Variants in NMNAT3 observed in about 807,000 individuals in gnomAD.
NMNAT3 encodes the protein nicotinamide nucleotide adenylyltransferase 3.
Under a neutral mutation model 24.8 loss-of-function variants are expected in NMNAT3, and 21 were observed. The ratio of observed to expected loss-of-function variants is 0.85; its 90% CI spans 0.60 to 1.22. The LOEUF is 1.22. Ranked by LOEUF, NMNAT3 falls within the 50% of genes most tolerant of loss-of-function variation. The probability of loss-of-function intolerance (pLI) is 0.00; values close to 1 mark genes in which losing one functional copy is unlikely to be tolerated. For missense variants in NMNAT3, 387 were observed against 436.6 expected (o/e 0.89, Z 1.01); for synonymous variants, 136 against 155.2 (o/e 0.88, Z 0.92).
intron 5 of NMNAT3, chr3:139,576,082 G>A: frequency 1.6e-6 from 2 of 1,280,986 alleles, no homozygotes; most frequent in Admixed American, 4.7e-5. Context: ...GCTCTACAGT[G>A]AATTTACATC....
At chr3:139,572,207 G>C (rs1013048729) in intron 6 of NMNAT3, 1 of 398,562 alleles carries the variant, frequency 2.5e-6, no homozygotes, top group Non-Finnish European at 4.4e-6. Flanking sequence ...TGCTCAAAAA[G>C]TGTCTGTAGA....
In NMNAT3 at chr3:139,582,216, A is replaced by G. The variant is rs13097825; in HGVS notation, c.391+711T>C. On this transcript the variant is annotated intron_variant, in intron 4 of 6. Coordinates refer to ENST00000643695, the MANE Select transcript of NMNAT3 (RefSeq NM_001320510.2). ...AAAAAAAAAAAAAAAAAAAAAAAAG[A>G]AAAAAAAACCACATGTAAGGCAAAA... is the stretch of plus-strand genomic sequence containing the variant. 2.9e-3 allele frequency among the ~76,000 whole-genome samples: 431 copies of G among 148,578 alleles called. 1 individual carries two copies. The highest frequency in any genetic ancestry group is 9.7e-3 in the African/African-American group (390 of 40,390).
intron 3 of NMNAT3, among the ~76,000 whole-genome samples, chr3:139,606,740 A>T (rs1021638804): frequency 3.9e-5 from 6 of 152,170 alleles, no homozygotes; most frequent in Non-Finnish European, 7.4e-5. Flanking sequence ...GGAAGGATTG[A>T]CCTTTCTCCT....
chr3:139,583,367 A>T, intron 3 of NMNAT3: 1 of 1,535,452 alleles, frequency 6.5e-7, no homozygotes, highest in African/African-American at 1.4e-5. Flanking sequence ...TACATTTTCA[A>T]CTGGAATGTA....
At chr3:139,612,287 A>C (rs1355288888) in intron 3 of NMNAT3, among the ~76,000 whole-genome samples, 1 of 152,194 alleles carries the variant, frequency 6.6e-6, no homozygotes, top group African/African-American at 2.4e-5. Flanking sequence ...GATTGCTTCG[A>C]AAAAGAGAGG....
intron 3 of NMNAT3, among the ~76,000 whole-genome samples, chr3:139,612,135 C>T (rs183790594): frequency 2.8e-4 from 42 of 149,324 alleles, no homozygotes; most frequent in African/African-American, 9.6e-4. Context: ...CCATTGCACT[C>T]CAGCTTGGGC....
Position 139,561,318 on chromosome 3 carries a change from C to T in NMNAT3, c.733G>A (p.Ala245Thr). The T allele has an allele frequency of 6.2e-7, 1 of 1,614,088 alleles. No homozygotes were observed. The highest frequency in any genetic ancestry group is 8.5e-7 in the Non-Finnish European group (1 of 1,180,000). The change falls in exon 7 of 7, where the codon GCG becomes ACG. Residue 245 changes from alanine to threonine, a missense_variant. By Grantham distance (58) the Ala-to-Thr change is moderately conservative (BLOSUM62 0). This residue lies in a region of NMNAT3 where 323 missense variants were observed against 345.2 expected (regional missense o/e 0.94). Coordinates refer to ENST00000643695, the MANE Select transcript of NMNAT3 (RefSeq NM_001320510.2). Reference sequence around the variant, plus strand: ...TTCTCCACTATTTCCTGGATGTGCGCATCCTTCCAGAGGTTGGGGGTCTGG... The same window carrying T: ...TTCTCCACTATTTCCTGGATGTGCGTATCCTTCCAGAGGTTGGGGGTCTGG...
intron 1 of NMNAT3, among the ~76,000 whole-genome samples, chr3:139,658,170 C>T (rs548745501): frequency 6.6e-6 from 1 of 152,134 alleles, no homozygotes; most frequent in African/African-American, 2.4e-5. Context: ...CACATCTAAC[C>T]TAGCTTCTAC....
intron 5 of NMNAT3, among the ~76,000 whole-genome samples, chr3:139,577,568 G>A (rs1024861580): frequency 5.3e-5 from 8 of 152,190 alleles, no homozygotes; most frequent in Non-Finnish European, 8.8e-5. Flanking sequence ...TAAATTACTT[G>A]TTGGATGATC....
At chr3:139,598,560 T>G (rs1293351386) in intron 3 of NMNAT3, among the ~76,000 whole-genome samples, 3 of 152,122 alleles carry the variant, frequency 2.0e-5, no homozygotes, top group Non-Finnish European at 4.4e-5. Flanking sequence ...AGTCCCTGGA[T>G]GACTGCAGGG....
intron 6 of NMNAT3, 129 bp from the exon 7 acceptor site, chr3:139,561,521 C>A: frequency 2.4e-6 from 2 of 846,372 alleles, no homozygotes; most frequent in East Asian, 5.0e-5. Flanking sequence ...ATGTTCATGA[C>A]TTGAAAAGAA....
intron 3 of NMNAT3, among the ~76,000 whole-genome samples, chr3:139,622,741 A>T (rs2055839550): frequency 1.4e-5 from 2 of 144,364 alleles, no homozygotes; most frequent in Non-Finnish European, 3.0e-5. Flanking sequence ...TCTCAAAAAA[A>T]AAGTGTGTGT....
Position 139,562,090 on chromosome 3 carries a change from C to G in NMNAT3, c.659-698G>C, listed in dbSNP as rs149873149. ...GATTACTGTGGGCACTACTACTAAG[C>G]TCTTTATGTGTATAATACCATATGC... On this transcript the variant is annotated intron_variant, in intron 6 of 6. Coordinates refer to ENST00000643695, the MANE Select transcript of NMNAT3 (RefSeq NM_001320510.2). 7.7e-3 allele frequency among the ~76,000 whole-genome samples: 1,174 copies of G among 152,204 alleles called. 22 individuals carry two copies. The highest frequency in any genetic ancestry group is 0.027 in the African/African-American group (1,105 of 41,542).
rs1937530265 is a variant in NMNAT3, at chr3:139,568,103, T to C, written c.658+5495A>G. The C allele has an allele frequency of 5.3e-5, 8 of 152,364 alleles. No individual in the cohort carries two copies. The South Asian group carries it at 1.4e-3, about 28-fold the overall frequency. 9.4% of individuals were successfully genotyped at this position (152,364 alleles called of 1,614,324 possible). A position where few individuals can be genotyped will look rare whatever the true frequency, so the allele number is the denominator to read the frequency against. ...ATGTGTCCAGGAATTTATCCATTTC[T>C]TCTGGATTTTCTAGTTTATTTGCAT... On this transcript the variant is annotated intron_variant, in intron 6 of 6. Transcript: ENST00000643695.
intron 1 of NMNAT3, among the ~76,000 whole-genome samples, chr3:139,657,547 C>T (rs1004752290): frequency 5.3e-5 from 8 of 151,716 alleles, no homozygotes; most frequent in Admixed American, 1.3e-4. Flanking sequence ...TGTGTTGCAG[C>T]GGTTGTCATA....
chr3:139,675,952 G>A (rs1215037162), intron 1 of NMNAT3, among the ~76,000 whole-genome samples: 6 of 152,190 alleles, frequency 3.9e-5, no homozygotes, highest in Admixed American at 3.9e-4. Flanking sequence ...CACAAGGTGA[G>A]TGAGCTGCCC....
At chr3:139,569,589 C>T (rs1163418549) in intron 6 of NMNAT3, 1 of 152,260 alleles carries the variant, frequency 6.6e-6, no homozygotes, top group South Asian at 2.1e-4. Context: ...TTTTATTTCT[C>T]CTTCACTTAT....
chr3:139,657,433 ACT>A (rs1478448014), intron 1 of NMNAT3, among the ~76,000 whole-genome samples: 1 of 152,134 alleles, frequency 6.6e-6, no homozygotes, highest in Non-Finnish European at 1.5e-5. Context: ...GTCAGAAATT[ACT>A]CTTTCTTCTC....
intron 3 of NMNAT3, among the ~76,000 whole-genome samples, chr3:139,620,060 T>C (rs912060291): frequency 6.6e-6 from 1 of 152,220 alleles, no homozygotes; most frequent in Non-Finnish European, 1.5e-5. Flanking sequence ...ATAAGGTCCA[T>C]ATATGGTATT....
Sources: allele counts gnomAD v4.1 joint callset (sites outside exome capture counted in the v4.1 genomes callset), GRCh38; gene constraint gnomAD v4.1.1; regional missense constraint gnomAD v4.1.1; transcripts MANE v1.5; gene names NCBI Gene and HGNC (gene_info 2026-07-23, HGNC 2026-07-21).